Variants in CXXC4 observed in about 807,000 individuals in gnomAD.
The protein encoded by CXXC4 is CXXC finger protein 4, also known as CXXC-type zinc finger protein 4.
Under a neutral mutation model 20.5 loss-of-function variants are expected in CXXC4, and 5 were observed. The observed-to-expected ratio is 0.24, with a 90% CI of 0.13 to 0.51. CXXC4 has a LOEUF of 0.51. Ranked by LOEUF, CXXC4 falls within the 20% of genes least tolerant of loss-of-function variation. The pLI, the probability that CXXC4 is intolerant of heterozygous loss-of-function variation, is 0.97. For missense variants in CXXC4, 419 were observed against 496.4 expected (o/e 0.84, Z 1.48); for synonymous variants, 250 against 216.4 (o/e 1.16, Z -1.36).
At chr4:104,484,688 A>C (rs1290559258) in intron 2 of CXXC4, among the ~76,000 whole-genome samples, 2 of 152,042 alleles carry the variant, frequency 1.3e-5, no homozygotes, top group African/African-American at 4.8e-5. Context: ...AATATTTCTC[A>C]TAATGTTTTA....
chr4:104,491,469 CCCCGCCCCCGCCGCT>C lies in CXXC4; in HGVS notation c.319_333del (p.Ser107_Gly111del). 1.1e-6 allele frequency: 1 copy of C among 944,656 alleles called. No individual in the cohort carries two copies. Among genetic ancestry groups the C allele is most frequent in the East Asian group, 5.2e-5 (1 of 19,284 alleles). 58.5% of individuals were successfully genotyped at this position (944,656 alleles called of 1,614,324 possible). A position where few individuals can be genotyped will look rare whatever the true frequency, so the allele number is the denominator to read the frequency against. On this transcript the variant is annotated inframe_deletion, in exon 2 of 3. Transcript: ENST00000394767. ...CCGCCGCCACCCCCCCCGCCGCCGC[CCCCGCCCCCGCCGCT>C]GCCCCAGAGCATGGCGGTGGCGGCG...
At chr4:104,485,135 G>C (rs551409462) in intron 2 of CXXC4, among the ~76,000 whole-genome samples, 1 of 152,134 alleles carries the variant, frequency 6.6e-6, no homozygotes, top group South Asian at 2.1e-4. Flanking sequence ...ATGCTTCCTA[G>C]AATGCCCTAC....
At chr4:104,492,904 G>A (rs1259218604) in intron 1 of CXXC4, among the ~76,000 whole-genome samples, 1 of 151,996 alleles carries the variant, frequency 6.6e-6, no homozygotes, top group Non-Finnish European at 1.5e-5. Flanking sequence ...AATGTCTCAG[G>A]TTTTAAACCA....
At position 104,478,717 on chromosome 4, in the gene CXXC4, A is replaced by C. The variant is rs183491660; in HGVS notation, c.1060-6351T>G. On this transcript the variant is annotated intron_variant, in intron 2 of 2. Transcript: ENST00000394767. Reference sequence around the variant, plus strand: ...GTACGGTGGTACCATGGTAAGCAGAAAGAGGAAAATCTTTCAATAATTCAC... The same window carrying C: ...GTACGGTGGTACCATGGTAAGCAGACAGAGGAAAATCTTTCAATAATTCAC... Among the ~76,000 whole-genome samples, 236 of 152,238 alleles carry C rather than the reference A, an allele frequency of 1.6e-3. 1 individual carries two copies. The highest frequency in any genetic ancestry group is 5.4e-3 in the African/African-American group (226 of 41,560).
chr4:104,492,987 G>T (rs1736939700), intron 1 of CXXC4, among the ~76,000 whole-genome samples: 1 of 150,396 alleles, frequency 6.6e-6, no homozygotes, highest in South Asian at 2.1e-4. Context: ...GAAGACAAGA[G>T]GAAAGCATGG....
chr4:104,478,065 A>G (rs535974613), intron 2 of CXXC4, among the ~76,000 whole-genome samples: 9 of 152,288 alleles, frequency 5.9e-5, no homozygotes, highest in Admixed American at 5.9e-4. Flanking sequence ...TGATTTTAAG[A>G]AACATTCCAT....
chr4:104,490,514 G>A (rs1161984727), intron 2 of CXXC4, among the ~76,000 whole-genome samples: 2 of 152,176 alleles, frequency 1.3e-5, no homozygotes, highest in Admixed American at 1.3e-4. Context: ...TTCCCCCAGG[G>A]ATAAAAAGGA....
rs557523346 is a variant in CXXC4 at position 104,477,249 on chromosome 4, G to A, written c.1060-4883C>T. ...AAACTTTCAAACTTTAGAAATTTCC[G>A]GATTAACAAATGCAAGCAGGTTGCT... is the stretch of plus-strand genomic sequence containing the variant. On this transcript the variant is annotated intron_variant, in intron 2 of 2. Transcript: ENST00000394767. Among the ~76,000 whole-genome samples the A allele has an allele frequency of 3.1e-3, 466 of 152,030 alleles. 3 individuals carry two copies. The highest frequency in any genetic ancestry group is 0.011 in the African/African-American group (442 of 41,476).
intron 2 of CXXC4, among the ~76,000 whole-genome samples, chr4:104,476,337 C>T (rs140669819): frequency 3.9e-5 from 6 of 152,100 alleles, no homozygotes; most frequent in Admixed American, 1.3e-4. Context: ...AGCAGTCACA[C>T]GGAAAGTGGT....
chr4:104,475,205 T>G (rs1175660287), intron 2 of CXXC4: 1 of 152,122 alleles, frequency 6.6e-6, no homozygotes, highest in Admixed American at 6.6e-5. Flanking sequence ...CAGGGAAGCC[T>G]CTTTTAAAAA....
At chr4:104,489,708 T>C (rs1358094668) in intron 2 of CXXC4, among the ~76,000 whole-genome samples, 1 of 152,242 alleles carries the variant, frequency 6.6e-6, no homozygotes, top group Non-Finnish European at 1.5e-5. Flanking sequence ...ATTTTTCATT[T>C]TTCCCCATTT....
At position 104,470,535 on chromosome 4, in the gene CXXC4, G is replaced by A. The variant is rs1270669432; in HGVS notation, c.*1787C>T. 6.6e-6 allele frequency: 1 copy of A among 151,918 alleles called. No homozygotes were observed. Among genetic ancestry groups the A allele is most frequent in the Non-Finnish European group, 1.5e-5 (1 of 67,954 alleles). 9.4% of individuals were successfully genotyped at this position (151,918 alleles called of 1,614,324 possible). A position where few individuals can be genotyped will look rare whatever the true frequency, so the allele number is the denominator to read the frequency against. On this transcript the variant is annotated 3_prime_UTR_variant, in exon 3 of 3. Coordinates refer to ENST00000394767, the MANE Select transcript of CXXC4 (RefSeq NM_025212.4). ...TTTAAAAAATCTTTTCTGTCCTATC[G>A]TATCCCATTGAAATCTACAACTAAA...
chr4:104,475,370 G>T (rs1159915112), intron 2 of CXXC4: 1 of 152,020 alleles, frequency 6.6e-6, no homozygotes, highest in African/African-American at 2.4e-5. Context: ...TGTATTTCAG[G>T]ATTTTAAAAG....
At chr4:104,472,452 AT>A in intron 2 of CXXC4, 86 bp from the exon 3 acceptor site, 1 of 882,556 alleles carries the variant, frequency 1.1e-6, no homozygotes. Flanking sequence ...CTTCAGCAAT[AT>A]TTTTAGTTAC....
chr4:104,473,455 T>C (rs1009180777), intron 2 of CXXC4, among the ~76,000 whole-genome samples: 6 of 151,912 alleles, frequency 3.9e-5, no homozygotes, highest in African/African-American at 1.4e-4. Context: ...AAATGGTAGT[T>C]AAGCTTGAAT....
At chr4:104,494,658 T>TGG (rs5860769) in intron 1 of CXXC4, 43 bp downstream of exon 1, 3 of 105,764 alleles carry the variant, frequency 2.8e-5, no homozygotes, top group Admixed American at 9.9e-5. Context: ...AACAAACTGT[T>TGG]GGGGGGGGGG....
chr4:104,475,876 C>T (rs1736388620), intron 2 of CXXC4, among the ~76,000 whole-genome samples: 1 of 152,034 alleles, frequency 6.6e-6, no homozygotes, highest in African/African-American at 2.4e-5. Context: ...AGTTGATCGG[C>T]ATTGTTTAAG....
chr4:104,493,785 G>C (rs897335308), intron 1 of CXXC4, among the ~76,000 whole-genome samples: 1 of 152,188 alleles, frequency 6.6e-6, no homozygotes, highest in Non-Finnish European at 1.5e-5. Context: ...GGAAGACACA[G>C]CAAGAATATG....
At chr4:104,479,724 CCT>C (rs1736504895) in intron 2 of CXXC4, among the ~76,000 whole-genome samples, 1 of 150,714 alleles carries the variant, frequency 6.6e-6, no homozygotes, top group Non-Finnish European at 1.5e-5. Context: ...GTTGTCCCTC[CCT>C]CTCTCCCTCC....
Sources: allele counts gnomAD v4.1 joint callset (sites outside exome capture counted in the v4.1 genomes callset), GRCh38; gene constraint gnomAD v4.1.1; transcripts MANE v1.5; gene names NCBI Gene and HGNC (gene_info 2026-07-23, HGNC 2026-07-21).